The following SCARA3 variants were observed in gnomAD, a reference collection of about 807,000 sequenced individuals.
The protein encoded by SCARA3 is scavenger receptor class A member 3.
SCARA3 carries 39 observed loss-of-function variants against 47.0 expected under a neutral mutation model. The observed-to-expected ratio is 0.83, with a 90% CI of 0.64 to 1.08. The LOEUF (loss-of-function observed/expected upper bound fraction) is 1.08, where lower values mean the gene tolerates loss of function less well. Among genes scored for constraint, SCARA3 ranks in the 50% least tolerant of loss-of-function variants. SCARA3 has a pLI of 0.00. For missense variants in SCARA3, 724 were observed against 792.3 expected, an observed-to-expected ratio of 0.91 and a Z score of 1.04; for synonymous variants, 356 against 334.1, an observed-to-expected ratio of 1.07 and a Z score of -0.71.
the SCARA3 span, among the ~76,000 whole-genome samples, chr8:27,685,748 G>GAA: frequency 1.3e-5 from 2 of 152,118 alleles, no homozygotes; most frequent in African/African-American, 4.8e-5. Context: ...GTCAAAAAAA[G>GAA]AAAGAAAACA....
chr8:27,706,078 G>A, the SCARA3 span, among the ~76,000 whole-genome samples: 1 of 152,208 alleles, frequency 6.6e-6, no homozygotes, highest in African/African-American at 2.4e-5. Context: ...AGGAGCTCAG[G>A]GAGGGTGAGG....
the SCARA3 span, among the ~76,000 whole-genome samples, chr8:27,731,450 C>A: frequency 6.6e-6 from 1 of 151,610 alleles, no homozygotes; most frequent in Admixed American, 6.6e-5. Flanking sequence ...GAGTTCGAGA[C>A]CAGCCTGGCC....
chr8:27,661,792 TCTGGGCTATAGTATTTCTAC>T (rs1045449654), intron 5 of SCARA3, among the ~76,000 whole-genome samples: 21 of 152,232 alleles, frequency 1.4e-4, no homozygotes, highest in African/African-American at 5.1e-4. Context: ...TCCTGAAGGG[TCTGGGCTATAGTATTTCTAC>T]CTGGGTGGGG....
intron 1 of SCARA3, among the ~76,000 whole-genome samples, chr8:27,636,632 C>T (rs1209255834): frequency 6.6e-6 from 1 of 152,194 alleles, no homozygotes; most frequent in Non-Finnish European, 1.5e-5. Context: ...CTCCTCCTTT[C>T]CCTTGGATCC....
At chr8:27,638,422 T>A (rs1397146443) in intron 1 of SCARA3, among the ~76,000 whole-genome samples, 1 of 151,906 alleles carries the variant, frequency 6.6e-6, no homozygotes, top group African/African-American at 2.4e-5. Flanking sequence ...TCCCTGGTAC[T>A]CCCTGGGGTC....
chr8:27,726,849 G>C, the SCARA3 span, among the ~76,000 whole-genome samples: 1 of 151,782 alleles, frequency 6.6e-6, no homozygotes, highest in African/African-American at 2.4e-5. Flanking sequence ...GCAGTGGTGC[G>C]ATCTTGCCTC....
At chr8:27,685,148 G>T in the SCARA3 span, among the ~76,000 whole-genome samples, 1 of 152,008 alleles carries the variant, frequency 6.6e-6, no homozygotes, top group Non-Finnish European at 1.5e-5. Flanking sequence ...CAATGGAAAA[G>T]GTGACATTAA....
intron 1 of SCARA3, among the ~76,000 whole-genome samples, chr8:27,639,525 G>T (rs1261232769): frequency 1.3e-5 from 2 of 152,066 alleles, no homozygotes; most frequent in African/African-American, 2.4e-5. Flanking sequence ...GTTTGGTGGT[G>T]GGGGAGAGAG....
intron 5 of SCARA3, among the ~76,000 whole-genome samples, chr8:27,669,105 GC>G (rs1802084781): frequency 6.6e-6 from 1 of 152,150 alleles, no homozygotes; most frequent in African/African-American, 2.4e-5. Context: ...CTGGGGACAA[GC>G]CCTGGGGGAG....
chr8:27,704,013 T>C, the SCARA3 span, among the ~76,000 whole-genome samples: 7 of 151,202 alleles, frequency 4.6e-5, no homozygotes, highest in Admixed American at 4.6e-4. Context: ...TTAAAAGTAA[T>C]TAGCTTAAGG....
At chr8:27,676,578 T>C (rs960029763), downstream of SCARA3, 3 of 1,598,018 alleles carry the variant, frequency 1.9e-6, no homozygotes, top group African/African-American at 4.0e-5. Context: ...GGTCACACTT[T>C]GTTTTCACAT....
chr8:27,659,346 T>A lies in SCARA3; in HGVS notation c.1176T>A (p.His392Gln), dbSNP rs952475535. 6.2e-7 allele frequency: 1 copy of A among 1,614,072 alleles called. No homozygotes were observed. The highest frequency in any genetic ancestry group is 8.5e-7 in the Non-Finnish European group (1 of 1,180,006). Residue 392 changes from histidine to glutamine, a missense_variant, in exon 5 of 6, where the codon CAT becomes CAA. Coordinates refer to ENST00000301904, the MANE Select transcript of SCARA3 (RefSeq NM_016240.3). ...RLSCTLGFHT[H>Q]AEELYYLNKS... The stretch of plus-strand genomic sequence containing the variant: ...CCTGCACGCTGGGCTTCCACACCCA[T>A]GCCGAGGAGCTCTACTACCTGAACA...
At chr8:27,723,860 C>A in the SCARA3 span, among the ~76,000 whole-genome samples, 1,584 of 152,272 alleles carry the variant, frequency 0.01, 22 homozygotes, top group African/African-American at 0.032. Flanking sequence ...CTCAGCCTCC[C>A]GAGTAGCTGG....
rs1299889821 is a variant in SCARA3, at chr8:27,671,712, ACACATACACATG to A, written c.*366_*377del. The A allele has an allele frequency of 2.3e-5, 24 of 1,062,868 alleles. No homozygotes were observed. The highest frequency in any genetic ancestry group is 4.5e-5 in the South Asian group (1 of 22,250). The allele number at this position is 1,062,868 out of a possible 1,614,324, so 65.8% of individuals were successfully genotyped here. ...CACATACACAGGCACACATGCATGC[ACACATACACATG>A]CACACACACATGCACACATATATGC... On this transcript the variant is annotated 3_prime_UTR_variant, in exon 6 of 6. Transcript: ENST00000301904.
chr8:27,715,393 C>G, the SCARA3 span, among the ~76,000 whole-genome samples: 106 of 152,294 alleles, frequency 7.0e-4, no homozygotes, highest in East Asian at 0.015. This position sits in a 1 kb window ranked among gnomAD's most constrained non-coding sequence, Gnocchi z 4.2. Context: ...GAGGCTCCCA[C>G]TACTCACCCT....
intron 2 of SCARA3, among the ~76,000 whole-genome samples, chr8:27,650,898 T>G (rs1801617135): frequency 6.6e-6 from 1 of 152,124 alleles, no homozygotes; most frequent in Non-Finnish European, 1.5e-5. Flanking sequence ...TCTTTTTTCT[T>G]TTTTAAAATA....
chr8:27,675,020 C>A (rs1021190923), downstream of SCARA3, among the ~76,000 whole-genome samples: 4 of 152,100 alleles, frequency 2.6e-5, no homozygotes, highest in African/African-American at 9.7e-5. Context: ...AGCCACCGTG[C>A]CAGGCTGCCT....
At position 27,634,063 on chromosome 8, in the gene SCARA3, G is replaced by A; in HGVS notation, c.-138G>A. 1 of 696,474 alleles carries A rather than the reference G, an allele frequency of 1.4e-6. No individual in the cohort carries two copies. Among genetic ancestry groups the A allele is most frequent in the East Asian group, 3.5e-5 (1 of 28,428 alleles). The allele number at this position is 696,474 out of a possible 1,614,324, so 43.1% of individuals were successfully genotyped here. A position where few individuals can be genotyped will look rare whatever the true frequency, so the allele number is the denominator to read the frequency against. Reference sequence around the variant, plus strand: ...CCGCAGCCCGCGCGCCGGAGCATGAGTCCCGGCCGGAGCCCCACGGCCGCG... The same window carrying A: ...CCGCAGCCCGCGCGCCGGAGCATGAATCCCGGCCGGAGCCCCACGGCCGCG... On this transcript the variant is annotated 5_prime_UTR_variant, in exon 1 of 6. Coordinates refer to ENST00000301904, the MANE Select transcript of SCARA3 (RefSeq NM_016240.3).
the SCARA3 span, among the ~76,000 whole-genome samples, chr8:27,708,190 G>A: frequency 6.6e-6 from 1 of 152,144 alleles, no homozygotes; most frequent in East Asian, 1.9e-4. Flanking sequence ...GGCTCTGAAA[G>A]GGAGATCTTT....
Sources: gnomAD v4.1 joint callset for allele counts (sites outside exome capture counted in the v4.1 genomes callset) on GRCh38, gnomAD v4.1.1 for gene constraint, Gnocchi (gnomAD v3.1) non-coding constraint, MANE v1.5 for transcripts, NCBI Gene and HGNC (gene_info 2026-07-23, HGNC 2026-07-21) for gene names.